NSD1: variants seen among roughly 807,000 people sequenced by gnomAD.
NSD1 encodes the protein histone-lysine N-methyltransferase, H3 lysine-36 specific.
In NSD1, 26 loss-of-function variants were observed where a neutral mutation model predicts 242.7. That is an observed-to-expected ratio of 0.11 (90% CI 0.08 to 0.15). The LOEUF (loss-of-function observed/expected upper bound fraction) is 0.15, where lower values mean the gene tolerates loss of function less well. NSD1 is among the 10% of genes least tolerant of loss of function. The pLI is 1.00. For missense variants in NSD1, 2,495 were observed against 3,272.8 expected (o/e 0.76, Z 5.80); for synonymous variants, 1,106 against 1,178.1 (o/e 0.94, Z 1.25).
At chr5:177,202,351 CAGA>C (rs1762575290) in intron 3 of NSD1, among the ~76,000 whole-genome samples, 1 of 151,968 alleles carries the variant, frequency 6.6e-6, no homozygotes, top group Non-Finnish European at 1.5e-5. Context: ...GCTGGCACAT[CAGA>C]AGTTCTTGAT....
chr5:177,284,603 G>GCA (rs1759155883), intron 20 of NSD1, among the ~76,000 whole-genome samples: 1 of 152,146 alleles, frequency 6.6e-6, no homozygotes, highest in Non-Finnish European at 1.5e-5. Flanking sequence ...ATTTCTTTTA[G>GCA]CACAGTGTCT....
intron 6 of NSD1, among the ~76,000 whole-genome samples, chr5:177,237,531 CT>C (rs35657331): frequency 0.017 from 2,061 of 123,110 alleles, 15 homozygotes; most frequent in South Asian, 0.053. Flanking sequence ...ATTATTTTAT[CT>C]TTTTTTTTTT....
intron 22 of NSD1, among the ~76,000 whole-genome samples, chr5:177,292,572 T>G (rs964126255): frequency 6.6e-6 from 1 of 152,156 alleles, no homozygotes; most frequent in Non-Finnish European, 1.5e-5. Flanking sequence ...AAAGAAAGAT[T>G]GAGATAGTAA....
intron 5 of NSD1, among the ~76,000 whole-genome samples, chr5:177,220,098 T>A (rs1299839302): frequency 2.0e-5 from 3 of 152,248 alleles, no homozygotes. Context: ...TCTGTTTCTT[T>A]ATTGATCTTC....
At chr5:177,225,018 T>C (rs533658112) in intron 5 of NSD1, among the ~76,000 whole-genome samples, 7 of 152,278 alleles carry the variant, frequency 4.6e-5, no homozygotes, top group Admixed American at 1.3e-4. Context: ...GGTCATGTTG[T>C]GTAATGTTGT....
At chr5:177,291,732 C>A (rs918563931) in intron 21 of NSD1, among the ~76,000 whole-genome samples, 1 of 152,152 alleles carries the variant, frequency 6.6e-6, no homozygotes, top group Non-Finnish European at 1.5e-5. Context: ...TCAGCAAAAA[C>A]ACAAAGATTT....
At chr5:177,164,800 C>T (rs566680480) in intron 2 of NSD1, among the ~76,000 whole-genome samples, 2 of 150,920 alleles carry the variant, frequency 1.3e-5, no homozygotes, top group African/African-American at 2.4e-5. Context: ...AAAATTAGAC[C>T]GGCATGGTGG....
At chr5:177,145,522 A>G (rs1262669397) in intron 2 of NSD1, among the ~76,000 whole-genome samples, 1 of 152,158 alleles carries the variant, frequency 6.6e-6, no homozygotes, top group Non-Finnish European at 1.5e-5. Context: ...GGCTTCAGGC[A>G]ATTCTCCTAC....
intron 3 of NSD1, among the ~76,000 whole-genome samples, chr5:177,202,407 G>A (rs917535988): frequency 6.6e-6 from 1 of 152,024 alleles, no homozygotes; most frequent in African/African-American, 2.4e-5. Flanking sequence ...TAAGACAGGG[G>A]CTTGCTGTAC....
At chr5:177,218,324 C>T (rs533448548) in intron 5 of NSD1, among the ~76,000 whole-genome samples, 37 of 152,318 alleles carry the variant, frequency 2.4e-4, no homozygotes, top group Admixed American at 1.6e-3. Flanking sequence ...GCTGGGATTA[C>T]AGGTGTGAGC....
intron 9 of NSD1, among the ~76,000 whole-genome samples, chr5:177,245,268 T>C (rs1318962715): frequency 6.6e-6 from 1 of 152,196 alleles, no homozygotes; most frequent in Non-Finnish European, 1.5e-5. Flanking sequence ...TAACAACAGC[T>C]CTTTTCCTGT....
chr5:177,235,207 T>C (rs1490372669), intron 5 of NSD1, among the ~76,000 whole-genome samples: 1 of 152,248 alleles, frequency 6.6e-6, no homozygotes, highest in Non-Finnish European at 1.5e-5. Flanking sequence ...ATGACACTTT[T>C]GCTTTCTTAT....
At chr5:177,183,036 G>A (rs975024016) in intron 2 of NSD1, among the ~76,000 whole-genome samples, 9 of 152,046 alleles carry the variant, frequency 5.9e-5, no homozygotes, top group Admixed American at 2.0e-4. Context: ...CTTGGCTTCC[G>A]AAAGTGCTGG....
At chr5:177,266,299 T>A in intron 14 of NSD1, 3 of 732,458 alleles carry the variant, frequency 4.1e-6, no homozygotes, top group Non-Finnish European at 7.7e-6. Context: ...ACTTGTTGGC[T>A]TTGACAATCT....
rs765795238 is a variant in NSD1 at position 177,269,462 on chromosome 5, T to G, written c.5304-140T>G. ...CACATACGACTTGTTTGTGTTCTAGTTAGGTTGTAAGAATGCCGTAAGATG... is the reference window on the plus strand; with the variant it reads ...CACATACGACTTGTTTGTGTTCTAGGTAGGTTGTAAGAATGCCGTAAGATG... On this transcript the variant is annotated intron_variant, in intron 15 of 22. Coordinates refer to ENST00000439151, the MANE Select transcript of NSD1 (RefSeq NM_022455.5). This position sits in a 1 kb window ranked among gnomAD's most constrained non-coding sequence, Gnocchi z 5.1. 6 of 770,012 alleles carry G rather than the reference T, an allele frequency of 7.8e-6. No homozygotes were observed. Among genetic ancestry groups the G allele is most frequent in the Non-Finnish European group, 1.3e-5 (6 of 448,202 alleles). 47.7% of individuals were successfully genotyped at this position (770,012 alleles called of 1,614,324 possible). A position where few individuals can be genotyped will look rare whatever the true frequency, so the allele number is the denominator to read the frequency against.
In NSD1 at chr5:177,158,821, C is replaced by CA. The variant is rs57206832; in HGVS notation, c.927+22805dup. ...TAGGTGATGAAGTGAGACTTCATCTCAAAAAAAAAAAAAAGGAAGTAATGG... is the reference window on the plus strand; with the variant it reads ...TAGGTGATGAAGTGAGACTTCATCTCAAAAAAAAAAAAAAAGGAAGTAATGG... On this transcript the variant is annotated intron_variant, in intron 2 of 22. Coordinates refer to ENST00000439151, the MANE Select transcript of NSD1 (RefSeq NM_022455.5). 1.7e-3 allele frequency among the ~76,000 whole-genome samples: 135 copies of CA among 80,290 alleles called. 1 individual carries two copies. Among genetic ancestry groups the CA allele is most frequent in the Middle Eastern group, 7.2e-3 (1 of 138 alleles). The allele number at this position is 80,290 out of a possible 152,430, so 52.7% of individuals were successfully genotyped here.
Position 177,296,913 on chromosome 5 carries a change from G to A in NSD1, c.*1454G>A. On this transcript the variant is annotated 3_prime_UTR_variant, in exon 23 of 23. Transcript: ENST00000439151. ...CCTCTCTGCTTTGCCAACTTAGCCA[G>A]CAGGCCATCCCCGGCCCTAACGTCT... The A allele has an allele frequency of 4.3e-6, 1 of 233,300 alleles. No homozygotes were observed. The highest frequency in any genetic ancestry group is 8.5e-6 in the Non-Finnish European group (1 of 118,072). The allele number at this position is 233,300 out of a possible 1,614,324, so 14.5% of individuals were successfully genotyped here. A position where few individuals can be genotyped will look rare whatever the true frequency, so the allele number is the denominator to read the frequency against.
rs1446107034 is a variant in NSD1, at chr5:177,294,148, G to A, written c.6780G>A (p.Gln2260=). The A allele has an allele frequency of 1.9e-6, 3 of 1,614,052 alleles. No homozygotes were observed. The highest frequency in any genetic ancestry group is 2.5e-6 in the Non-Finnish European group (3 of 1,180,050). Residue 2260 remains glutamine, a synonymous_variant, in exon 23 of 23, where the codon CAG becomes CAA. Coordinates refer to ENST00000439151, the MANE Select transcript of NSD1 (RefSeq NM_022455.5). ...MSDKPPADTN[Q]MLSLSKKALA... ...ATAAACCTCCTGCTGACACCAACCAGATGCTGTCGCTCTCCAAAAAAGCTC... is the reference window on the plus strand; with the variant it reads ...ATAAACCTCCTGCTGACACCAACCAAATGCTGTCGCTCTCCAAAAAAGCTC...
At chr5:177,152,744 G>A (rs944183524) in intron 2 of NSD1, among the ~76,000 whole-genome samples, 1 of 151,490 alleles carries the variant, frequency 6.6e-6, no homozygotes, top group Non-Finnish European at 1.5e-5. Flanking sequence ...GATTACAGGC[G>A]TGAGCCACTG....
Sources: allele counts gnomAD v4.1 joint callset (sites outside exome capture counted in the v4.1 genomes callset), GRCh38; gene constraint gnomAD v4.1.1; non-coding constraint Gnocchi (gnomAD v3.1); transcripts MANE v1.5; gene names NCBI Gene and HGNC (gene_info 2026-07-23, HGNC 2026-07-21).